The following RYR3 variants were observed in gnomAD, a reference collection of about 807,000 sequenced individuals.
The protein encoded by RYR3 is ryanodine receptor 3.
In RYR3, 207 loss-of-function variants were observed where a neutral mutation model predicts 584.3. The observed-to-expected ratio is 0.35, with a 90% CI of 0.32 to 0.40. The LOEUF (loss-of-function observed/expected upper bound fraction) is 0.40. Among genes scored for constraint, RYR3 ranks in the 10% least tolerant of loss-of-function variants. The pLI, the probability that RYR3 is intolerant of heterozygous loss-of-function variation, is 1.00. For missense variants in RYR3, 5,616 were observed against 6,089.2 expected, an observed-to-expected ratio of 0.92 and a Z score of 2.59; for synonymous variants, 2,416 against 2,248.5, an observed-to-expected ratio of 1.07 and a Z score of -2.11.
intron 47 of RYR3, among the ~76,000 whole-genome samples, chr15:33,730,163 G>A (rs1353465436): frequency 6.9e-6 from 1 of 145,354 alleles, no homozygotes; most frequent in Non-Finnish European, 1.5e-5. Context: ...CACTGCTGTT[G>A]TTTTGAACTT....
intron 31 of RYR3, among the ~76,000 whole-genome samples, chr15:33,649,660 A>G (rs555167475): frequency 6.6e-6 from 1 of 152,360 alleles, no homozygotes; most frequent in Non-Finnish European, 1.5e-5. Flanking sequence ...TCCTCCCAAG[A>G]GTTTATAATG....
At chr15:33,654,552 G>T (rs776041618) in intron 32 of RYR3, among the ~76,000 whole-genome samples, 30 of 151,952 alleles carry the variant, frequency 2.0e-4, no homozygotes, top group Admixed American at 1.3e-4. Flanking sequence ...AGAAGGAGAA[G>T]AGTGTTGAAT....
chr15:33,819,072 G>A (rs1294926023), intron 76 of RYR3, among the ~76,000 whole-genome samples: 2 of 151,416 alleles, frequency 1.3e-5, no homozygotes, highest in Non-Finnish European at 3.0e-5. Flanking sequence ...GCAGTGAGCC[G>A]AGATCACACC....
chr15:33,675,217 A>G (rs900746633), intron 38 of RYR3, among the ~76,000 whole-genome samples: 7 of 152,264 alleles, frequency 4.6e-5, no homozygotes, highest in African/African-American at 1.7e-4. Context: ...CGTGGTACCC[A>G]CTTTGTCCTG....
chr15:33,521,517 T>G (rs911826141), intron 3 of RYR3, among the ~76,000 whole-genome samples: 4 of 152,134 alleles, frequency 2.6e-5, no homozygotes, highest in African/African-American at 9.7e-5. Context: ...CATTCAGTAG[T>G]GGGCGGAGGG....
intron 1 of RYR3, among the ~76,000 whole-genome samples, chr15:33,362,111 A>G (rs904740953): frequency 3.3e-5 from 5 of 152,176 alleles, no homozygotes; most frequent in Non-Finnish European, 7.3e-5. Context: ...TAATATGTAA[A>G]TAACACAGCA....
At chr15:33,316,324 T>C (rs1285598254) in intron 1 of RYR3, among the ~76,000 whole-genome samples, 8 of 152,202 alleles carry the variant, frequency 5.3e-5, no homozygotes, top group Admixed American at 4.6e-4. Flanking sequence ...AATTTTTAAC[T>C]TAGAAGCCAT....
At chr15:33,608,556 A>C (rs1567653167) in intron 18 of RYR3, among the ~76,000 whole-genome samples, 1 of 152,226 alleles carries the variant, frequency 6.6e-6, no homozygotes, top group Non-Finnish European at 1.5e-5. Flanking sequence ...TGTGAATATG[A>C]TATGAGATGG....
chr15:33,491,929 G>C (rs959331954), intron 2 of RYR3, among the ~76,000 whole-genome samples: 1 of 152,166 alleles, frequency 6.6e-6, no homozygotes, highest in Non-Finnish European at 1.5e-5. Flanking sequence ...TTGGGGAGAA[G>C]GAGATCCAAT....
At chr15:33,687,492 G>A (rs549826441) in intron 38 of RYR3, among the ~76,000 whole-genome samples, 4 of 152,280 alleles carry the variant, frequency 2.6e-5, no homozygotes, top group South Asian at 2.1e-4. Context: ...TACTGCCCAA[G>A]GTAATTTGTA....
At chr15:33,626,199 A>G (rs559496203) in intron 20 of RYR3, among the ~76,000 whole-genome samples, 1 of 152,192 alleles carries the variant, frequency 6.6e-6, no homozygotes, top group African/African-American at 2.4e-5. Context: ...TAAAGTTTTG[A>G]TTGGGAAGAC....
chr15:33,826,236 T>C lies in RYR3; in HGVS notation c.11147-16T>C. On this transcript the variant is annotated splice_polypyrimidine_tract_variant and intron_variant, in intron 82 of 103. Transcript: ENST00000634891. ...TTTTCTTACTTTCTATTCTTCTGTT[T>C]TTCTCTCATTACCAGTCATTGTTCG... is the stretch of plus-strand genomic sequence containing the variant. 1 of 1,613,434 alleles carries C rather than the reference T, an allele frequency of 6.2e-7. No homozygotes were observed. Among genetic ancestry groups the C allele is most frequent in the Non-Finnish European group, 8.5e-7 (1 of 1,179,408 alleles).
intron 38 of RYR3, among the ~76,000 whole-genome samples, chr15:33,683,119 C>T (rs35762479): frequency 1.3e-5 from 2 of 151,950 alleles, no homozygotes; most frequent in African/African-American, 2.4e-5. Flanking sequence ...CTCAGCCTCC[C>T]GAGTAGCTGG....
intron 38 of RYR3, among the ~76,000 whole-genome samples, chr15:33,672,442 G>A (rs1054539656): frequency 7.9e-5 from 12 of 152,142 alleles, no homozygotes; most frequent in Non-Finnish European, 1.3e-4. Flanking sequence ...AGAGGTTCAC[G>A]TTTCGTGTCA....
chr15:33,461,246 C>T (rs1352560094), intron 1 of RYR3, among the ~76,000 whole-genome samples: 2 of 152,030 alleles, frequency 1.3e-5, no homozygotes, highest in Non-Finnish European at 2.9e-5. Flanking sequence ...GCCCGGCCTA[C>T]TAATATCCAA....
Position 33,651,110 on chromosome 15 carries a change from A to AC in RYR3, c.4143-1607dup, listed in dbSNP as rs576427171. On this transcript the variant is annotated intron_variant, in intron 31 of 103. Coordinates refer to ENST00000634891, the MANE Select transcript of RYR3 (RefSeq NM_001036.6). ...GTGGCCATACTTACTGTGAACATTA[A>AC]CTGACATTTTAGCACCTAGGATAAG... Among the ~76,000 whole-genome samples the AC allele has an allele frequency of 5.3e-5, 8 of 152,324 alleles. No individual in the cohort carries two copies. The South Asian group carries it at 1.7e-3, about 32-fold the overall frequency.
chr15:33,613,893 T>C (rs1180135063), intron 19 of RYR3, among the ~76,000 whole-genome samples: 1 of 152,220 alleles, frequency 6.6e-6, no homozygotes, highest in African/African-American at 2.4e-5. Flanking sequence ...CAAAATGATT[T>C]TATAGCCATA....
rs2079883168 is a variant in RYR3 at position 33,858,005 on chromosome 15, C to G, written c.14142+91C>G. ...TGGGAAGAAGGGCTGTGTGGGGGTG[C>G]TCTTGAGAACTGTAGAGTTAGTTAC... On this transcript the variant is annotated intron_variant, in intron 99 of 103. Transcript: ENST00000634891. 1.4e-5 allele frequency: 21 copies of G among 1,508,502 alleles called. No individual in the cohort carries two copies. In the South Asian group the frequency reaches 2.3e-4, roughly 16 times the overall value. 93.4% of individuals were successfully genotyped at this position (1,508,502 alleles called of 1,614,324 possible).
rs1281537532 is a variant in RYR3, at chr15:33,854,286, T to C, written c.13800-103T>C. 7 of 827,050 alleles carry C rather than the reference T, an allele frequency of 8.5e-6. No homozygotes were observed. In the African/African-American group the frequency reaches 1.2e-4, roughly 14 times the overall value. 51.2% of individuals were successfully genotyped at this position (827,050 alleles called of 1,614,324 possible). A position where few individuals can be genotyped will look rare whatever the true frequency, so the allele number is the denominator to read the frequency against. On this transcript the variant is annotated intron_variant, in intron 96 of 103. Coordinates refer to ENST00000634891, the MANE Select transcript of RYR3 (RefSeq NM_001036.6). ...ACTTGATAAAGCTGAGAGCCATATT[T>C]AGGTTATTAAACCTGAGAGAAAAAA...
Sources: gnomAD v4.1 joint callset for allele counts (sites outside exome capture counted in the v4.1 genomes callset) on GRCh38, gnomAD v4.1.1 for gene constraint, MANE v1.5 for transcripts, NCBI Gene and HGNC (gene_info 2026-07-23, HGNC 2026-07-21) for gene names.